KSR2: variants seen among roughly 807,000 people sequenced by gnomAD.
KSR2 encodes kinase suppressor of ras 2.
In KSR2, 25 loss-of-function variants were observed where a neutral mutation model predicts 107.8. The ratio of observed to expected loss-of-function variants is 0.23; its 90% CI spans 0.17 to 0.32. KSR2 has a LOEUF of 0.32. KSR2 is among the 10% of genes least tolerant of loss of function. The pLI is 1.00. For synonymous variants in KSR2, 480 were observed against 507.0 expected, an observed-to-expected ratio of 0.95 and a Z score of 0.71; for missense variants, 887 against 1,268.9, an observed-to-expected ratio of 0.70 and a Z score of 4.57.
Position 117,848,392 on chromosome 12 carries a change from T to C in KSR2, c.472+7036A>G, listed in dbSNP as rs188259888. Among the ~76,000 whole-genome samples the C allele has an allele frequency of 1.4e-3, 219 of 152,362 alleles. 2 individuals carry two copies. Among genetic ancestry groups the C allele is most frequent in the African/African-American group, 4.4e-3 (185 of 41,588 alleles). ...GTGGAGACAAATGGTGAGAACGTGC[T>C]CTTCCTGCAGCCAAATCAGTTTCAC... is the stretch of plus-strand genomic sequence containing the variant. On this transcript the variant is annotated intron_variant, in intron 3 of 19. Coordinates refer to ENST00000339824, the MANE Select transcript of KSR2 (RefSeq NM_173598.6).
intron 1 of KSR2, among the ~76,000 whole-genome samples, chr12:117,876,124 G>A (rs546720469): frequency 1.5e-3 from 227 of 152,326 alleles, no homozygotes; most frequent in African/African-American, 4.3e-3. Flanking sequence ...GACCCCGTGC[G>A]GGTAATGAAA....
rs149713749 is a variant in KSR2, at chr12:117,786,571, T to C, written c.473-25047A>G. The stretch of plus-strand genomic sequence containing the variant: ...TGGCTCACGGCTGTAATCCCAGCAC[T>C]TTGGGAGGCCGAGGCAGGCAGATCC... On this transcript the variant is annotated intron_variant, in intron 3 of 19. Transcript: ENST00000339824. Among the ~76,000 whole-genome samples the C allele has an allele frequency of 8.3e-3, 1,267 of 152,228 alleles. 24 individuals are homozygous for C. The highest frequency in any genetic ancestry group is 0.029 in the African/African-American group (1,224 of 41,522).
At chr12:117,792,182 AAAAT>A (rs1890274809) in intron 3 of KSR2, among the ~76,000 whole-genome samples, 1 of 151,564 alleles carries the variant, frequency 6.6e-6, no homozygotes. Flanking sequence ...TACAAAAAAA[AAAAT>A]AAATAAAAAT....
chr12:117,537,951 C>T (rs757463970), intron 10 of KSR2, among the ~76,000 whole-genome samples: 11 of 152,264 alleles, frequency 7.2e-5, no homozygotes, highest in African/African-American at 1.2e-4. Flanking sequence ...TCCCATAAAA[C>T]GGCCCTTCCC....
chr12:117,656,363 A>T (rs1441719422), intron 5 of KSR2, among the ~76,000 whole-genome samples: 1 of 152,164 alleles, frequency 6.6e-6, no homozygotes, highest in Non-Finnish European at 1.5e-5. Flanking sequence ...TAATCTCAGC[A>T]CTTTGGGAGG....
At chr12:117,861,791 AC>A (rs1893307223) in intron 1 of KSR2, among the ~76,000 whole-genome samples, 1 of 152,216 alleles carries the variant, frequency 6.6e-6, no homozygotes, top group African/African-American at 2.4e-5. Flanking sequence ...TGTAAGTCCT[AC>A]AAAAGCATCC....
At chr12:117,843,868 C>T (rs868608519) in intron 3 of KSR2, among the ~76,000 whole-genome samples, 6 of 152,020 alleles carry the variant, frequency 3.9e-5, no homozygotes, top group South Asian at 2.1e-4. Flanking sequence ...TCCCTGAAAC[C>T]GCAGGCTGCC....
rs774101973 is a variant in KSR2 at position 117,471,180 on chromosome 12, T to C, written c.2712+11A>G. 6.2e-7 allele frequency: 1 copy of C among 1,613,700 alleles called. No homozygotes were observed. Among genetic ancestry groups the C allele is most frequent in the Non-Finnish European group, 8.5e-7 (1 of 1,179,690 alleles). On this transcript the variant is annotated intron_variant, in intron 18 of 19. Transcript: ENST00000339824. ...CTCATCCCCCAAGTCTGGACCTATCTTGGGACTTACCGAGATTTCTTTTCC... is the reference window on the plus strand; with the variant it reads ...CTCATCCCCCAAGTCTGGACCTATCCTGGGACTTACCGAGATTTCTTTTCC...
chr12:117,861,798 C>T (rs911201752), intron 1 of KSR2, among the ~76,000 whole-genome samples: 10 of 152,144 alleles, frequency 6.6e-5, no homozygotes, highest in African/African-American at 2.2e-4. Flanking sequence ...CCTACAAAAG[C>T]ATCCCAAAAT....
chr12:117,868,501 C>T (rs936222441), intron 1 of KSR2, among the ~76,000 whole-genome samples: 1 of 151,944 alleles, frequency 6.6e-6, no homozygotes, highest in African/African-American at 2.4e-5. Context: ...GTGCCAGGCC[C>T]ATGCTGAAGG....
chr12:117,696,563 G>A (rs1397813754), intron 4 of KSR2, among the ~76,000 whole-genome samples: 1 of 152,084 alleles, frequency 6.6e-6, no homozygotes, highest in Non-Finnish European at 1.5e-5. Flanking sequence ...TTGGGAGTTG[G>A]AAGGGGATTC....
At chr12:117,654,370 C>T (rs113176615) in intron 5 of KSR2, among the ~76,000 whole-genome samples, 37 of 152,284 alleles carry the variant, frequency 2.4e-4, no homozygotes, top group Middle Eastern at 3.4e-3. Context: ...CAGCCTACAC[C>T]GATGGCCTCA....
chr12:117,649,894 C>T (rs1883814363), intron 5 of KSR2, among the ~76,000 whole-genome samples: 1 of 152,204 alleles, frequency 6.6e-6, no homozygotes, highest in Admixed American at 6.5e-5. Context: ...AGGTCATGAA[C>T]TGATCTGGCC....
intron 4 of KSR2, among the ~76,000 whole-genome samples, chr12:117,672,360 C>A (rs1884946559): frequency 6.6e-6 from 1 of 152,112 alleles, no homozygotes; most frequent in African/African-American, 2.4e-5. Flanking sequence ...GGACTTAAGT[C>A]CTGATTGTGA....
intron 5 of KSR2, among the ~76,000 whole-genome samples, chr12:117,652,267 C>T (rs1883936571): frequency 1.3e-5 from 2 of 152,024 alleles, no homozygotes; most frequent in South Asian, 2.1e-4. Context: ...AAATAACTTA[C>T]TCATGTAACC....
intron 5 of KSR2, among the ~76,000 whole-genome samples, chr12:117,637,916 A>C (rs1235032929): frequency 2.0e-5 from 3 of 152,112 alleles, no homozygotes; most frequent in Non-Finnish European, 4.4e-5. Context: ...GTAAAAAATA[A>C]ATACATACAT....
chr12:117,734,328 C>G (rs11615380), intron 4 of KSR2, among the ~76,000 whole-genome samples: 20,396 of 150,274 alleles, frequency 0.14, 1,628 homozygotes, highest in Non-Finnish European at 0.18. Context: ...TACACAGAGG[C>G]ATTATTTCTC....
rs76086097 is a variant in KSR2 at position 117,461,670 on chromosome 12, C to T, written c.*5529G>A. 1,684 of 182,130 alleles carry T rather than the reference C, an allele frequency of 9.2e-3. 32 individuals carry two copies. The highest frequency in any genetic ancestry group is 0.037 in the African/African-American group (1,592 of 42,492). The allele number at this position is 182,130 out of a possible 1,614,324, so 11.3% of individuals were successfully genotyped here. ...AGGACAGAGGTTCACTGCGGCTCCA[C>T]ATTCCAGGACCCAGACTGACATTTG... is the stretch of plus-strand genomic sequence containing the variant. On this transcript the variant is annotated 3_prime_UTR_variant, in exon 20 of 20. Coordinates refer to ENST00000339824, the MANE Select transcript of KSR2 (RefSeq NM_173598.6).
At chr12:117,546,232 C>T (rs1441096886) in intron 9 of KSR2, among the ~76,000 whole-genome samples, 1 of 152,190 alleles carries the variant, frequency 6.6e-6, no homozygotes, top group Non-Finnish European at 1.5e-5. Context: ...AATATTTTCA[C>T]TATGCATGGA....
Sources: allele counts gnomAD v4.1 joint callset (sites outside exome capture counted in the v4.1 genomes callset), GRCh38; gene constraint gnomAD v4.1.1; transcripts MANE v1.5; gene names NCBI Gene and HGNC (gene_info 2026-07-23, HGNC 2026-07-21).